The following SCARB2 variants were observed in gnomAD, a reference collection of about 807,000 sequenced individuals.
SCARB2 encodes the protein scavenger receptor class B member 2.
In SCARB2, 29 loss-of-function variants were observed where a neutral mutation model predicts 58.6. The ratio of observed to expected loss-of-function variants is 0.49; its 90% confidence interval spans 0.37 to 0.67. SCARB2 has a LOEUF of 0.67. Among genes scored for constraint, SCARB2 ranks in the 30% least tolerant of loss-of-function variants. SCARB2 has a pLI of 0.00. For synonymous variants in SCARB2, 195 were observed against 210.1 expected, an observed-to-expected ratio of 0.93 and a Z score of 0.62; for missense variants, 488 against 578.5, an observed-to-expected ratio of 0.84 and a Z score of 1.60.
At chr4:76,196,155 CG>C (rs1732708476) in intron 1 of SCARB2, among the ~76,000 whole-genome samples, 1 of 152,186 alleles carries the variant, frequency 6.6e-6, no homozygotes, top group Admixed American at 6.5e-5. Context: ...GTCAAGAGTT[CG>C]TGCTTGGTCA....
intron 1 of SCARB2, among the ~76,000 whole-genome samples, chr4:76,200,356 C>T (rs914455891): frequency 2.0e-5 from 3 of 152,174 alleles, no homozygotes; most frequent in African/African-American, 4.8e-5. Flanking sequence ...TTAACCAAGA[C>T]GAACATAATG....
At chr4:76,174,007 G>C (rs1284320688) in intron 7 of SCARB2, 137 bp downstream of exon 7, 4 of 1,081,914 alleles carry the variant, frequency 3.7e-6, no homozygotes, top group Non-Finnish European at 5.6e-6. Flanking sequence ...CTGGGCTCAA[G>C]TGATCATCCC....
chr4:76,165,495 T>C lies in SCARB2; in HGVS notation c.1239+755A>G, dbSNP rs537139385. The C allele has an allele frequency of 4.1e-3, 621 of 152,290 alleles. 4 individuals carry two copies. The highest frequency in any genetic ancestry group is 0.014 in the African/African-American group (577 of 41,560). The allele number at this position is 152,290 out of a possible 1,614,324, so 9.4% of individuals were successfully genotyped here. A position where few individuals can be genotyped will look rare whatever the true frequency, so the allele number is the denominator to read the frequency against. On this transcript the variant is annotated intron_variant, in intron 10 of 11. Transcript: ENST00000264896. ...ATTTTTAAAAAAATTTCTAAGAATT[T>C]TATAAAGAGCACATGTTTTATAAAA...
rs944920918 is a variant in SCARB2 at position 76,180,076 on chromosome 4, G to C, written c.424-371C>G. 78 of 336,618 alleles carry C rather than the reference G, an allele frequency of 2.3e-4. 1 individual carries two copies. The highest frequency in any genetic ancestry group is 1.9e-3 in the South Asian group (75 of 38,590). 20.9% of individuals were successfully genotyped at this position (336,618 alleles called of 1,614,324 possible). A position where few individuals can be genotyped will look rare whatever the true frequency, so the allele number is the denominator to read the frequency against. On this transcript the variant is annotated intron_variant, in intron 3 of 11. Transcript: ENST00000264896. The stretch of plus-strand genomic sequence containing the variant: ...ATTATAAACCCGACCTACACCCCTG[G>C]GACTAGGTGGCAGGGACCTCATACT...
intron 1 of SCARB2, among the ~76,000 whole-genome samples, chr4:76,204,805 A>C (rs186446504): frequency 1.3e-5 from 2 of 152,310 alleles, no homozygotes; most frequent in East Asian, 3.9e-4. Context: ...TTGTGATTAT[A>C]TCTCTCAAAA....
At chr4:76,209,104 A>C (rs890353311) in intron 1 of SCARB2, among the ~76,000 whole-genome samples, 1 of 152,218 alleles carries the variant, frequency 6.6e-6, no homozygotes, top group Non-Finnish European at 1.5e-5. Flanking sequence ...CCTTGACCGT[A>C]AGATAACAGA....
chr4:76,232,645 T>G (rs1051223230), intron 1 of SCARB2, among the ~76,000 whole-genome samples: 10 of 152,178 alleles, frequency 6.6e-5, no homozygotes, highest in Non-Finnish European at 1.5e-4. Flanking sequence ...AAATATAACC[T>G]AAACAAGATT....
At chr4:76,228,080 G>A (rs1038653828) in intron 1 of SCARB2, among the ~76,000 whole-genome samples, 4 of 101,362 alleles carry the variant, frequency 3.9e-5, no homozygotes, top group African/African-American at 1.2e-4. Context: ...GCTAGTTGGT[G>A]CCTGAATACC....
chr4:76,183,609 ACT>A (rs1463920364), intron 2 of SCARB2, among the ~76,000 whole-genome samples: 2 of 152,162 alleles, frequency 1.3e-5, no homozygotes, highest in Admixed American at 6.5e-5. Context: ...TTCTCTGGAA[ACT>A]CTCCAAATTC....
At chr4:76,194,717 C>T (rs1249406735) in intron 2 of SCARB2, 1 of 152,078 alleles carries the variant, frequency 6.6e-6, no homozygotes, top group Non-Finnish European at 1.5e-5. Context: ...TGTTTTCTAA[C>T]CTGGTAAGGA....
At chr4:76,201,335 A>C (rs958495349) in intron 1 of SCARB2, among the ~76,000 whole-genome samples, 3 of 152,198 alleles carry the variant, frequency 2.0e-5, no homozygotes, top group Non-Finnish European at 4.4e-5. Context: ...TATAAGGAAA[A>C]TGTGTTCATT....
At chr4:76,209,167 A>G (rs76229059) in intron 1 of SCARB2, among the ~76,000 whole-genome samples, 24,972 of 152,218 alleles carry the variant, frequency 0.16, 2,338 homozygotes, top group South Asian at 0.32. Flanking sequence ...TCAGACTAAG[A>G]TAAGTCTTCT....
chr4:76,220,635 T>G lies in SCARB2; in HGVS notation c.-358+13668A>C, dbSNP rs918861162. 2.6e-5 allele frequency among the ~76,000 whole-genome samples: 4 copies of G among 152,316 alleles called. No individual in the cohort carries two copies. In the East Asian group the frequency reaches 7.7e-4, roughly 29 times the overall value. On this transcript the variant is annotated intron_variant, in intron 1 of 11. Transcript: ENST00000638295. ...TAGATCCTGTCTCTTAAAGAAAGAATGAAGTCCTGATACATGCTACTACAG... is the reference window on the plus strand; with the variant it reads ...TAGATCCTGTCTCTTAAAGAAAGAAGGAAGTCCTGATACATGCTACTACAG...
Position 76,161,711 on chromosome 4 carries a change from G to A in SCARB2, c.*2C>T, listed in dbSNP as rs751514504. On this transcript the variant is annotated 3_prime_UTR_variant, in exon 12 of 12. Coordinates refer to ENST00000264896, the MANE Select transcript of SCARB2 (RefSeq NM_005506.4). ...AGTTTCTTCACCAAGCAAAGGCAAT[G>A]TTTAGGTTCGAATGAGGGGTGCTCT... 3.1e-6 allele frequency: 5 copies of A among 1,614,140 alleles called. No homozygotes were observed. The Admixed American group carries it at 8.3e-5, about 27-fold the overall frequency.
intron 1 of SCARB2, among the ~76,000 whole-genome samples, chr4:76,209,242 A>G (rs1349036798): frequency 6.6e-6 from 1 of 152,224 alleles, no homozygotes; most frequent in Non-Finnish European, 1.5e-5. Flanking sequence ...AATGATATAT[A>G]GCTGAATGCC....
chr4:76,193,661 A>G (rs1267970550), intron 2 of SCARB2: 3 of 152,158 alleles, frequency 2.0e-5, no homozygotes, highest in East Asian at 1.9e-4. Context: ...CTTATGGCCA[A>G]TTTCTCCCTT....
intron 10 of SCARB2, chr4:76,164,791 CA>C (rs35163860): frequency 0.019 from 2,001 of 105,290 alleles, 19 homozygotes; most frequent in Non-Finnish European, 0.021. Context: ...GACCTTGTCT[CA>C]AAAAAAAAAA....
In SCARB2 at chr4:76,175,909, A is replaced by G; in HGVS notation, c.706T>C (p.Ser236Pro). Reference protein sequence around the residue: ...TKIVEWNGKTSLDWWITDKCN... With the variant: ...TKIVEWNGKTPLDWWITDKCN... The stretch of plus-strand genomic sequence containing the variant: ...TTGTCTGTTATCCACCAGTCAAGTG[A>G]CCTATAATTGATAAGCACAAGAAAG... Residue 236 changes from serine to proline, a missense_variant and splice_region_variant, in exon 6 of 12, where the codon TCA (serine) becomes CCA (proline). Transcript: ENST00000264896. 6.2e-7 allele frequency: 1 copy of G among 1,613,662 alleles called. No homozygotes were observed. Among genetic ancestry groups the G allele is most frequent in the Non-Finnish European group, 8.5e-7 (1 of 1,179,940 alleles).
chr4:76,170,074 C>G, intron 7 of SCARB2, 89 bp from the exon 8 acceptor site: 1 of 1,192,492 alleles, frequency 8.4e-7, no homozygotes, highest in South Asian at 1.2e-5. Flanking sequence ...CAGCCTGGTT[C>G]CTAAAGAAAA....
Sources: gnomAD v4.1 joint callset for allele counts (sites outside exome capture counted in the v4.1 genomes callset) on GRCh38, gnomAD v4.1.1 for gene constraint, MANE v1.5 for transcripts, NCBI Gene and HGNC (gene_info 2026-07-23, HGNC 2026-07-21) for gene names.